ATXN1: variants seen among roughly 807,000 people sequenced by gnomAD.
ATXN1 encodes the protein ataxin-1.
In ATXN1, 8 loss-of-function variants were observed where a neutral mutation model predicts 56.4. That is an observed-to-expected ratio of 0.14 (90% CI 0.08 to 0.26). ATXN1 has a LOEUF of 0.26. ATXN1 is among the 10% of genes least tolerant of loss of function. ATXN1 has a pLI of 1.00. For missense variants in ATXN1, 987 were observed against 1,106.5 expected (o/e 0.89, Z 1.53); for synonymous variants, 514 against 494.6 (o/e 1.04, Z -0.52).
chr6:16,737,112 G>C (rs1760162449), intron 2 of ATXN1: 1 of 152,176 alleles, frequency 6.6e-6, no homozygotes, highest in Non-Finnish European at 1.5e-5. Flanking sequence ...ACAAAAGAGA[G>C]CAAAGCTGAT....
intron 6 of ATXN1, among the ~76,000 whole-genome samples, chr6:16,366,225 C>G (rs984061457): frequency 5.3e-5 from 8 of 152,298 alleles, no homozygotes; most frequent in Admixed American, 6.5e-5. Context: ...AGTTCTAATA[C>G]TATCTCCACC....
intron 4 of ATXN1, among the ~76,000 whole-genome samples, chr6:16,557,805 C>T (rs1762041580): frequency 6.6e-6 from 1 of 152,184 alleles, no homozygotes; most frequent in African/African-American, 2.4e-5. Context: ...AATTCACATC[C>T]TGCACTAAAA....
chr6:16,426,368 A>C (rs528006861), intron 6 of ATXN1, among the ~76,000 whole-genome samples: 1 of 152,202 alleles, frequency 6.6e-6, no homozygotes, highest in African/African-American at 2.4e-5. Flanking sequence ...TATGGACCTT[A>C]TGGAGGAGCT....
At chr6:16,562,406 A>G (rs1762135818) in intron 4 of ATXN1, among the ~76,000 whole-genome samples, 1 of 135,712 alleles carries the variant, frequency 7.4e-6, no homozygotes, top group Admixed American at 7.2e-5. Flanking sequence ...AGAAAGAAGA[A>G]AGAAGGGGAA....
At chr6:16,556,880 A>G (rs1313712406) in intron 4 of ATXN1, among the ~76,000 whole-genome samples, 1 of 152,270 alleles carries the variant, frequency 6.6e-6, no homozygotes, top group African/African-American at 2.4e-5. Flanking sequence ...CTTATTAATT[A>G]GAGAATTCTG....
At chr6:16,367,984 A>G (rs1301508598) in intron 6 of ATXN1, among the ~76,000 whole-genome samples, 5 of 152,018 alleles carry the variant, frequency 3.3e-5, no homozygotes, top group Non-Finnish European at 7.4e-5. Flanking sequence ...CTTGGCCAAC[A>G]TGTGAAACCC....
intron 4 of ATXN1, among the ~76,000 whole-genome samples, chr6:16,559,433 G>A (rs1278478839): frequency 2.0e-5 from 3 of 150,766 alleles, no homozygotes; most frequent in African/African-American, 2.4e-5. Flanking sequence ...TCATACAATC[G>A]AATACTATTT....
At chr6:16,697,474 G>A (rs1201820230) in intron 2 of ATXN1, among the ~76,000 whole-genome samples, 1 of 151,904 alleles carries the variant, frequency 6.6e-6, no homozygotes, top group Non-Finnish European at 1.5e-5. Flanking sequence ...AATCTCTAGG[G>A]CTTTTCTTCT....
At chr6:16,424,858 C>A (rs893981260) in intron 6 of ATXN1, among the ~76,000 whole-genome samples, 4 of 152,200 alleles carry the variant, frequency 2.6e-5, no homozygotes, top group African/African-American at 9.6e-5. Context: ...ACAGCTCCAG[C>A]CTGCCTGAGC....
chr6:16,577,560 T>C (rs1330373334), intron 4 of ATXN1, among the ~76,000 whole-genome samples: 4 of 150,380 alleles, frequency 2.7e-5, no homozygotes, highest in Non-Finnish European at 5.9e-5. Context: ...AATCATGTGG[T>C]TTACCGCTTA....
At chr6:16,416,728 A>G (rs183944297) in intron 6 of ATXN1, among the ~76,000 whole-genome samples, 62 of 152,298 alleles carry the variant, frequency 4.1e-4, no homozygotes, top group African/African-American at 1.4e-3. Flanking sequence ...GAATCCCATC[A>G]CATTTTCACC....
At chr6:16,605,045 A>T (rs182171728) in intron 3 of ATXN1, among the ~76,000 whole-genome samples, 89 of 152,372 alleles carry the variant, frequency 5.8e-4, no homozygotes, top group Admixed American at 1.9e-3. Flanking sequence ...TTAGAAAACA[A>T]ATCAAGGACT....
At position 16,569,587 on chromosome 6, in the gene ATXN1, C is replaced by T. The variant is rs185677632; in HGVS notation, c.-361+16193G>A. Among the ~76,000 whole-genome samples the T allele has an allele frequency of 2.7e-5, 4 of 149,444 alleles. No homozygotes were observed. In the East Asian group the frequency reaches 7.9e-4, roughly 30 times the overall value. On this transcript the variant is annotated intron_variant, in intron 4 of 7. Coordinates refer to ENST00000436367, the MANE Select transcript of ATXN1 (RefSeq NM_001128164.2). ...CAGTGGTCTCCTGCTGTTCCTGAGA[C>T]AGAGATATAATGCCCTGCAAATTAC...
Position 16,751,788 on chromosome 6 carries a change from A to G in ATXN1, c.-615+1445T>C, listed in dbSNP as rs533445608. 7.8e-4 allele frequency among the ~76,000 whole-genome samples: 119 copies of G among 152,268 alleles called. 1 individual carries two copies. The highest frequency in any genetic ancestry group is 8.8e-4 in the Non-Finnish European group (60 of 68,038). On this transcript the variant is annotated intron_variant, in intron 2 of 7. Coordinates refer to ENST00000436367, the MANE Select transcript of ATXN1 (RefSeq NM_001128164.2). ...GGTTCAGGAGCAACCATCATAAAAC[A>G]TGACCATAACAATCAACCTGTTGAG...
At chr6:16,613,557 T>C (rs1371071507) in intron 3 of ATXN1, among the ~76,000 whole-genome samples, 2 of 151,828 alleles carry the variant, frequency 1.3e-5, no homozygotes, top group African/African-American at 4.9e-5. Context: ...TCAGGTCCGG[T>C]GGCTCACACC....
intron 5 of ATXN1, among the ~76,000 whole-genome samples, chr6:16,489,771 T>G (rs935209019): frequency 6.6e-6 from 1 of 151,934 alleles, no homozygotes; most frequent in African/African-American, 2.4e-5. Context: ...TGCACTATGA[T>G]CACGCCACTG....
At chr6:16,472,410 A>G (rs1430654948) in intron 6 of ATXN1, among the ~76,000 whole-genome samples, 1 of 152,202 alleles carries the variant, frequency 6.6e-6, no homozygotes, top group African/African-American at 2.4e-5. Flanking sequence ...GTGTTCTGGA[A>G]GCCAGACCAG....
chr6:16,576,475 G>A (rs907683638), intron 4 of ATXN1, among the ~76,000 whole-genome samples: 5 of 152,186 alleles, frequency 3.3e-5, no homozygotes, highest in African/African-American at 1.2e-4. Context: ...ACACAATAGA[G>A]AATCTGTATT....
Position 16,600,360 on chromosome 6 carries a change from T to G in ATXN1, c.-488-14453A>C, listed in dbSNP as rs200864266. On this transcript the variant is annotated intron_variant, in intron 3 of 7. Coordinates refer to ENST00000436367, the MANE Select transcript of ATXN1 (RefSeq NM_001128164.2). ...TTAATACAGATAATTAAAAGTTGAC[T>G]GTATAATAATGTTAAATAGCAGGCA... is the stretch of plus-strand genomic sequence containing the variant. Among the ~76,000 whole-genome samples, 3 of 152,358 alleles carry G rather than the reference T, an allele frequency of 2.0e-5. No homozygotes were observed. The East Asian group carries it at 5.8e-4, about 29-fold the overall frequency.
Sources: gnomAD v4.1 joint callset for allele counts (sites outside exome capture counted in the v4.1 genomes callset) on GRCh38, gnomAD v4.1.1 for gene constraint, MANE v1.5 for transcripts, NCBI Gene and HGNC (gene_info 2026-07-23, HGNC 2026-07-21) for gene names.